ZBTB20: variants seen among roughly 807,000 people sequenced by gnomAD.
ZBTB20 encodes zinc finger and BTB domain containing 20, also known as zinc finger and BTB domain-containing protein 20.
ZBTB20 carries 9 observed loss-of-function variants against 56.9 expected under a neutral mutation model. The ratio of observed to expected loss-of-function variants is 0.16; its 90% confidence interval spans 0.10 to 0.28. The LOEUF (loss-of-function observed/expected upper bound fraction) is 0.28. Ranked by LOEUF, ZBTB20 falls within the 10% of genes least tolerant of loss-of-function variation. ZBTB20 has a pLI of 1.00. For synonymous variants in ZBTB20, 417 were observed against 420.7 expected (o/e 0.99, Z 0.11); for missense variants, 655 against 1,003.0 (o/e 0.65, Z 4.69).
intron 6 of ZBTB20, among the ~76,000 whole-genome samples, chr3:114,502,058 G>A (rs1007185799): frequency 3.9e-5 from 6 of 151,984 alleles, no homozygotes; most frequent in African/African-American, 1.5e-4. Flanking sequence ...GAAGTAGGAG[G>A]AGAGCCATGA....
At chr3:114,882,669 C>G (rs1452815857) in intron 4 of ZBTB20, among the ~76,000 whole-genome samples, 1 of 151,954 alleles carries the variant, frequency 6.6e-6, no homozygotes, top group Non-Finnish European at 1.5e-5. Flanking sequence ...TATAAAATCT[C>G]TAAGACATGG....
rs2080804152 is a variant in ZBTB20 at position 114,352,710 on chromosome 3, CAG to C, written c.200-834_200-833del. 5.3e-5 allele frequency among the ~76,000 whole-genome samples: 8 copies of C among 152,258 alleles called. No homozygotes were observed. The South Asian group carries it at 1.2e-3, about 24-fold the overall frequency. On this transcript the variant is annotated intron_variant, in intron 10 of 11. Transcript: ENST00000675478. The stretch of plus-strand genomic sequence containing the variant: ...AATGAAGGAGGAATGTTAAAAAGGT[CAG>C]AGATGGCAGTTCTGACCCAGGAGAC...
At chr3:114,377,347 T>A (rs2083765551) in intron 10 of ZBTB20, among the ~76,000 whole-genome samples, 1 of 152,202 alleles carries the variant, frequency 6.6e-6, no homozygotes, top group African/African-American at 2.4e-5. Flanking sequence ...ATTAACCTCA[T>A]CATCTCACAA....
At chr3:114,361,256 T>A (rs1391270043) in intron 10 of ZBTB20, among the ~76,000 whole-genome samples, 1 of 152,222 alleles carries the variant, frequency 6.6e-6, no homozygotes, top group African/African-American at 2.4e-5. Flanking sequence ...TCATTTTTAC[T>A]TCTCTTCTGC....
chr3:115,064,874 T>C (rs2082151468), intron 2 of ZBTB20, among the ~76,000 whole-genome samples: 1 of 152,192 alleles, frequency 6.6e-6, no homozygotes, highest in Non-Finnish European at 1.5e-5. Context: ...CTTTCTATTA[T>C]CATCTATTTA....
At chr3:114,833,837 T>C (rs2073981419) in intron 4 of ZBTB20, among the ~76,000 whole-genome samples, 1 of 151,724 alleles carries the variant, frequency 6.6e-6, no homozygotes, top group African/African-American at 2.4e-5. Flanking sequence ...TGGCCGAGGG[T>C]CTTATAGATA....
chr3:114,379,761 GA>G (rs1174301815), intron 10 of ZBTB20, among the ~76,000 whole-genome samples: 2 of 152,160 alleles, frequency 1.3e-5, no homozygotes, highest in African/African-American at 2.4e-5. Context: ...TGGAAAGACA[GA>G]AATTCAGCCA....
At chr3:114,918,795 C>A (rs1225676360) in intron 3 of ZBTB20, among the ~76,000 whole-genome samples, 1 of 152,234 alleles carries the variant, frequency 6.6e-6, no homozygotes, top group Non-Finnish European at 1.5e-5. Context: ...ATAAAGGAGT[C>A]TCTTTCAGAG....
intron 4 of ZBTB20, among the ~76,000 whole-genome samples, chr3:114,822,458 G>A (rs1310124637): frequency 6.6e-6 from 1 of 151,644 alleles, no homozygotes; most frequent in South Asian, 2.1e-4. Flanking sequence ...AGGAAATGCC[G>A]CTAGTTCCAA....
At chr3:114,666,323 GTGGTTCA>G (rs1360285841) in intron 6 of ZBTB20, among the ~76,000 whole-genome samples, 2 of 152,010 alleles carry the variant, frequency 1.3e-5, no homozygotes. Flanking sequence ...CAAGTTAACA[GTGGTTCA>G]CCTGATATAA....
chr3:114,552,205 T>C (rs541848526), intron 6 of ZBTB20, among the ~76,000 whole-genome samples: 32 of 152,230 alleles, frequency 2.1e-4, no homozygotes, highest in East Asian at 1.5e-3. Context: ...GAGCGAGACC[T>C]TGTCTCTAAA....
At chr3:114,968,411 T>C (rs1346579895) in intron 3 of ZBTB20, among the ~76,000 whole-genome samples, 1 of 152,220 alleles carries the variant, frequency 6.6e-6, no homozygotes, top group Non-Finnish European at 1.5e-5. Context: ...TGAATGCATA[T>C]GAAATATTTT....
intron 6 of ZBTB20, among the ~76,000 whole-genome samples, chr3:114,534,859 T>C (rs1205884429): frequency 6.6e-6 from 1 of 152,116 alleles, no homozygotes; most frequent in African/African-American, 2.4e-5. Context: ...CACAACCACA[T>C]GGAAACTGAA....
intron 6 of ZBTB20, among the ~76,000 whole-genome samples, chr3:114,576,888 A>AT (rs1247420716): frequency 1.3e-5 from 2 of 152,042 alleles, no homozygotes; most frequent in Non-Finnish European, 2.9e-5. Flanking sequence ...TACTAGATAT[A>AT]TTTTTTATAA....
intron 3 of ZBTB20, among the ~76,000 whole-genome samples, chr3:114,932,688 T>C (rs1056443018): frequency 1.3e-5 from 2 of 152,168 alleles, no homozygotes; most frequent in African/African-American, 4.8e-5. Context: ...ATAATTTATT[T>C]TGGAAACAAC....
At chr3:114,981,670 TATC>T (rs1459215701) in intron 2 of ZBTB20, among the ~76,000 whole-genome samples, 1 of 152,062 alleles carries the variant, frequency 6.6e-6, no homozygotes, top group Non-Finnish European at 1.5e-5. Flanking sequence ...AGGTAGGTAA[TATC>T]ATCATACCCA....
chr3:114,672,175 A>T (rs1407483714), intron 6 of ZBTB20, among the ~76,000 whole-genome samples: 1 of 152,188 alleles, frequency 6.6e-6, no homozygotes, highest in Non-Finnish European at 1.5e-5. Context: ...ATAATAGTCA[A>T]ATTGCTCATA....
intron 6 of ZBTB20, among the ~76,000 whole-genome samples, chr3:114,620,746 T>C (rs2058268973): frequency 6.6e-6 from 1 of 152,180 alleles, no homozygotes. Context: ...ACACAAAACC[T>C]GCCCTCTAAC....
chr3:114,627,211 G>C, intron 6 of ZBTB20, among the ~76,000 whole-genome samples: 1 of 151,940 alleles, frequency 6.6e-6, no homozygotes, highest in East Asian at 1.9e-4. Flanking sequence ...CTCATTTCTG[G>C]TTGCTCTGTT....
Sources: allele counts gnomAD v4.1 joint callset (sites outside exome capture counted in the v4.1 genomes callset), GRCh38; gene constraint gnomAD v4.1.1; transcripts MANE v1.5; gene names NCBI Gene and HGNC (gene_info 2026-07-23, HGNC 2026-07-21).